The following NRG1 variants were observed in gnomAD, a reference collection of about 807,000 sequenced individuals.
NRG1 encodes pro-neuregulin-1, membrane-bound isoform.
Under a neutral mutation model 63.8 loss-of-function variants are expected in NRG1, and 18 were observed. The ratio of observed to expected loss-of-function variants is 0.28; its 90% CI spans 0.19 to 0.42. The LOEUF is 0.42. Ranked by LOEUF, NRG1 falls within the 10% of genes least tolerant of loss-of-function variation. The pLI is 1.00. For synonymous variants in NRG1, 302 were observed against 301.3 expected (o/e 1.00, Z -0.02); for missense variants, 762 against 814.7 (o/e 0.94, Z 0.79).
rs531136807 is a variant in NRG1, at chr8:31,713,253, A to T, written c.37+73822A>T. On this transcript the variant is annotated intron_variant, in intron 1 of 10. Transcript: ENST00000519301. The stretch of plus-strand genomic sequence containing the variant: ...TGCCTCAGCCTCCCGAGTAGCTGGG[A>T]CTACAGGCGCCCACCACCAAGCCCG... 2.0e-5 allele frequency among the ~76,000 whole-genome samples: 3 copies of T among 150,808 alleles called. No homozygotes were observed. The East Asian group carries it at 5.9e-4, about 30-fold the overall frequency.
chr8:32,318,947 A>G (rs1216720337), intron 1 of NRG1, among the ~76,000 whole-genome samples: 1 of 152,178 alleles, frequency 6.6e-6, no homozygotes, highest in African/African-American at 2.4e-5. Flanking sequence ...TCCTGGCTGG[A>G]TTAATGGGAT....
intron 1 of NRG1, among the ~76,000 whole-genome samples, chr8:31,892,687 C>T (rs549922950): frequency 3.3e-5 from 5 of 152,076 alleles, no homozygotes; most frequent in East Asian, 1.9e-4. Context: ...CTGTATATCA[C>T]GTTGGCCATT....
chr8:32,338,361 C>A (rs2129478111), intron 1 of NRG1, among the ~76,000 whole-genome samples: 1 of 152,192 alleles, frequency 6.6e-6, no homozygotes, highest in South Asian at 2.1e-4. Context: ...CATCTAAATT[C>A]TTTATTCTGG....
intron 1 of NRG1, among the ~76,000 whole-genome samples, chr8:31,900,246 C>T (rs1306465277): frequency 1.3e-5 from 2 of 152,006 alleles, no homozygotes; most frequent in African/African-American, 2.4e-5. Context: ...CACTGTCATC[C>T]TAGGTAGTGA....
chr8:32,157,949 TCTTC>T (rs1838324438), intron 1 of NRG1, among the ~76,000 whole-genome samples: 1 of 152,236 alleles, frequency 6.6e-6, no homozygotes, highest in South Asian at 2.1e-4. Context: ...CTCCATTAGC[TCTTC>T]CTTATACACT....
intron 1 of NRG1, among the ~76,000 whole-genome samples, chr8:32,554,432 G>C (rs987175910): frequency 2.0e-5 from 3 of 151,944 alleles, no homozygotes; most frequent in Non-Finnish European, 4.4e-5. Flanking sequence ...ATTTATTTTT[G>C]GTTTTACTAA....
intron 1 of NRG1, among the ~76,000 whole-genome samples, chr8:32,437,453 C>T (rs1432059254): frequency 6.6e-6 from 1 of 152,176 alleles, no homozygotes; most frequent in Non-Finnish European, 1.5e-5. Context: ...TTACCTCTGT[C>T]TTGCCTCCAA....
intron 1 of NRG1, among the ~76,000 whole-genome samples, chr8:32,237,912 T>A (rs1354632248): frequency 6.6e-6 from 1 of 152,156 alleles, no homozygotes; most frequent in African/African-American, 2.4e-5. Context: ...CACTAACTAT[T>A]TATAAGACCA....
intron 1 of NRG1, among the ~76,000 whole-genome samples, chr8:32,452,281 T>C (rs192946049): frequency 2.6e-5 from 4 of 152,342 alleles, no homozygotes; most frequent in Admixed American, 2.6e-4. Flanking sequence ...TGGGCTTTGC[T>C]TGGTGCTACA....
chr8:32,177,385 G>T (rs1349360891), intron 1 of NRG1, among the ~76,000 whole-genome samples: 1 of 151,668 alleles, frequency 6.6e-6, no homozygotes, highest in African/African-American at 2.4e-5. Context: ...GTTAAATGAG[G>T]AGTTAATGGG....
At chr8:31,919,110 T>C (rs531753234) in intron 1 of NRG1, among the ~76,000 whole-genome samples, 2 of 152,230 alleles carry the variant, frequency 1.3e-5, no homozygotes, top group East Asian at 3.9e-4. Context: ...TTTATTAGTC[T>C]TGCTAGCAGT....
intron 1 of NRG1, among the ~76,000 whole-genome samples, chr8:32,379,411 C>T (rs558787836): frequency 1.1e-4 from 17 of 152,234 alleles, no homozygotes; most frequent in African/African-American, 4.1e-4. Flanking sequence ...CCCTCAATAA[C>T]AAGAGAATAA....
chr8:31,682,903 A>G (rs1354534166), intron 1 of NRG1, among the ~76,000 whole-genome samples: 1 of 152,198 alleles, frequency 6.6e-6, no homozygotes, highest in East Asian at 1.9e-4. Flanking sequence ...GATAATGCTT[A>G]TCTCAGGGGA....
chr8:31,889,377 T>C (rs1290175025), intron 1 of NRG1, among the ~76,000 whole-genome samples: 2 of 152,198 alleles, frequency 1.3e-5, no homozygotes, highest in Non-Finnish European at 2.9e-5. Context: ...TTCAAGTTTG[T>C]GGACTGAGCT....
chr8:31,683,322 A>G (rs1048656082), intron 1 of NRG1, among the ~76,000 whole-genome samples: 1 of 152,122 alleles, frequency 6.6e-6, no homozygotes, highest in Non-Finnish European at 1.5e-5. Context: ...TAGAGAAAAA[A>G]ATTGTGGTAC....
chr8:31,670,113 A>C (rs1315919948), intron 1 of NRG1, among the ~76,000 whole-genome samples: 1 of 152,128 alleles, frequency 6.6e-6, no homozygotes, highest in African/African-American at 2.4e-5. Flanking sequence ...GTTCCTTTTC[A>C]TTTTTATTTT....
chr8:32,477,075 G>A (rs1192628848), intron 1 of NRG1, among the ~76,000 whole-genome samples: 2 of 152,152 alleles, frequency 1.3e-5, no homozygotes, highest in African/African-American at 4.8e-5. Flanking sequence ...CAATTCCAGG[G>A]GAGAATTGAT....
chr8:32,384,309 C>T lies in NRG1; in HGVS notation c.38-211519C>T, dbSNP rs189700395. 3.2e-3 allele frequency among the ~76,000 whole-genome samples: 494 copies of T among 152,216 alleles called. 3 individuals are homozygous for T. The highest frequency in any genetic ancestry group is 0.011 in the African/African-American group (467 of 41,548). ...TACAAATATAAAAGAGCAATACTAA[C>T]GACAAATAATAATACATATAATGAA... On this transcript the variant is annotated intron_variant, in intron 1 of 10. Transcript: ENST00000519301.
In NRG1 at chr8:31,918,988, A is replaced by G. The variant is rs535553809; in HGVS notation, c.37+279557A>G. Among the ~76,000 whole-genome samples, 664 of 152,156 alleles carry G rather than the reference A, an allele frequency of 4.4e-3. 5 individuals carry two copies. The highest frequency in any genetic ancestry group is 0.015 in the African/African-American group (630 of 41,512). On this transcript the variant is annotated intron_variant, in intron 1 of 10. Coordinates refer to the NRG1 transcript ENST00000519301. ...CTTCTAGATTTTCTAGTTTATTTGC[A>G]TAGAGGTGTTTGTAGTATTATCTGA...
Sources: allele counts gnomAD v4.1 joint callset (sites outside exome capture counted in the v4.1 genomes callset), GRCh38; gene constraint gnomAD v4.1.1; transcripts MANE v1.5; gene names NCBI Gene and HGNC (gene_info 2026-07-23, HGNC 2026-07-21).